Variants in DOCK2 observed in about 807,000 individuals in gnomAD.
DOCK2 encodes dedicator of cytokinesis 2, also known as dedicator of cytokinesis protein 2.
In DOCK2, 87 loss-of-function variants were observed where a neutral mutation model predicts 248.9. That is an observed-to-expected ratio of 0.35 (90% CI 0.29 to 0.42). The LOEUF (loss-of-function observed/expected upper bound fraction) is 0.42. Among genes scored for constraint, DOCK2 ranks in the 10% least tolerant of loss-of-function variants. The pLI, the probability that DOCK2 is intolerant of heterozygous loss-of-function variation, is 1.00. For missense variants in DOCK2, 1,747 were observed against 2,300.2 expected (o/e 0.76, Z 4.92); for synonymous variants, 805 against 821.6 (o/e 0.98, Z 0.35).
intron 10 of DOCK2, among the ~76,000 whole-genome samples, chr5:169,697,410 C>G (rs1196571961): frequency 6.6e-6 from 1 of 152,196 alleles, no homozygotes; most frequent in African/African-American, 2.4e-5. Context: ...GAATGTACCT[C>G]TTTCCCATTA....
At chr5:169,901,161 G>A (rs1352047198) in intron 27 of DOCK2, among the ~76,000 whole-genome samples, 1 of 152,168 alleles carries the variant, frequency 6.6e-6, no homozygotes, top group Non-Finnish European at 1.5e-5. Context: ...GAGGGATGGT[G>A]GGTGTGATTG....
chr5:170,056,872 A>G (rs1249307283), intron 43 of DOCK2, 104 bp downstream of exon 43: 2 of 1,061,638 alleles, frequency 1.9e-6, no homozygotes, highest in South Asian at 3.0e-5. Context: ...AGAAAGCCAG[A>G]GAAAATAAAG....
chr5:169,922,821 C>T (rs1775244358), intron 27 of DOCK2, among the ~76,000 whole-genome samples: 1 of 152,148 alleles, frequency 6.6e-6, no homozygotes, highest in Non-Finnish European at 1.5e-5. Flanking sequence ...GTATCTGATA[C>T]ATTCTGGGTG....
rs373519386 is a variant in DOCK2 at position 169,808,965 on chromosome 5, C to T, written c.2703+5759C>T. On this transcript the variant is annotated intron_variant, in intron 26 of 51. Coordinates refer to ENST00000520908, the MANE Select transcript of DOCK2 (RefSeq NM_004946.3). The stretch of plus-strand genomic sequence containing the variant: ...CTGGGTGGGGGGCTACCAAGGTACT[C>T]TCAGTCATGAATGGTTTAAGGGTTC... Among the ~76,000 whole-genome samples, 157 of 151,628 alleles carry T rather than the reference C, an allele frequency of 1.0e-3. 1 individual carries two copies. Among genetic ancestry groups the T allele is most frequent in the African/African-American group, 3.5e-3 (144 of 41,282 alleles).
chr5:170,058,018 C>T (rs373714715), intron 44 of DOCK2, among the ~76,000 whole-genome samples: 6 of 152,126 alleles, frequency 3.9e-5, no homozygotes, highest in Non-Finnish European at 5.9e-5. Flanking sequence ...CACAGCACCC[C>T]CTTGGGGGCA....
intron 46 of DOCK2, among the ~76,000 whole-genome samples, chr5:170,074,194 T>C (rs1346151431): frequency 6.6e-6 from 1 of 152,192 alleles, no homozygotes; most frequent in Non-Finnish European, 1.5e-5. Context: ...TCTGTTCCTA[T>C]ATATTAGTTA....
At chr5:169,805,408 TAAAAA>T (rs1050168428) in intron 26 of DOCK2, among the ~76,000 whole-genome samples, 1 of 151,490 alleles carries the variant, frequency 6.6e-6, no homozygotes, top group East Asian at 1.9e-4. Context: ...CTCTCTGTCT[TAAAAA>T]AAAATTTGCC....
At chr5:169,677,307 C>T (rs1024725520) in intron 6 of DOCK2, among the ~76,000 whole-genome samples, 2 of 152,216 alleles carry the variant, frequency 1.3e-5, no homozygotes, top group Admixed American at 1.3e-4. Context: ...ACCACTATAA[C>T]TCTAAGTGGA....
chr5:169,801,854 A>G (rs1170028486), intron 25 of DOCK2, among the ~76,000 whole-genome samples: 1 of 150,316 alleles, frequency 6.7e-6, no homozygotes, highest in Non-Finnish European at 1.5e-5. Context: ...TCAGTTTTTA[A>G]GTACCTAATG....
intron 29 of DOCK2, among the ~76,000 whole-genome samples, chr5:169,988,432 G>T (rs1480612731): frequency 6.6e-6 from 1 of 152,116 alleles, no homozygotes; most frequent in African/African-American, 2.4e-5. Context: ...ACTTCCTGTT[G>T]CATTGCTGAA....
intron 22 of DOCK2, among the ~76,000 whole-genome samples, chr5:169,729,234 T>C (rs988435390): frequency 3.3e-5 from 5 of 152,190 alleles, no homozygotes; most frequent in Non-Finnish European, 7.3e-5. Context: ...GCTAACGCAA[T>C]TGTCAGGGAT....
chr5:169,687,677 C>T (rs78061055), intron 8 of DOCK2, among the ~76,000 whole-genome samples: 4,345 of 152,256 alleles, frequency 0.029, 197 homozygotes, highest in African/African-American at 0.099. Flanking sequence ...CTTCTTCTAA[C>T]TTAAATAAGT....
chr5:169,968,068 G>A lies in DOCK2; in HGVS notation c.2800-15000G>A, dbSNP rs569526390. Among the ~76,000 whole-genome samples the A allele has an allele frequency of 7.2e-5, 11 of 152,336 alleles. 1 individual carries two copies. In the South Asian group the frequency reaches 1.9e-3, roughly 26 times the overall value. On this transcript the variant is annotated intron_variant, in intron 27 of 51. Coordinates refer to ENST00000520908, the MANE Select transcript of DOCK2 (RefSeq NM_004946.3). ...AGGAAGTTGGATGCTGGATGCATAA[G>A]TCTGAAGCTTCAAGGAGAGAAAACC...
At chr5:169,927,164 A>C (rs904125700) in intron 27 of DOCK2, among the ~76,000 whole-genome samples, 1 of 152,246 alleles carries the variant, frequency 6.6e-6, no homozygotes, top group Admixed American at 6.5e-5. Flanking sequence ...CAAGATGGGA[A>C]GATCTCGGCC....
chr5:170,021,749 T>A (rs1238249937), intron 33 of DOCK2, among the ~76,000 whole-genome samples: 4 of 152,174 alleles, frequency 2.6e-5, no homozygotes, highest in African/African-American at 7.2e-5. Context: ...GCGTGCTTCA[T>A]AGGAGCTCAG....
At chr5:169,858,422 T>C (rs1771009367) in intron 27 of DOCK2, among the ~76,000 whole-genome samples, 3 of 151,818 alleles carry the variant, frequency 2.0e-5, no homozygotes, top group African/African-American at 7.3e-5. Flanking sequence ...GTGGGGAGTA[T>C]TGAAGGCAGG....
chr5:169,926,292 T>A (rs1021931008), intron 27 of DOCK2, among the ~76,000 whole-genome samples: 12 of 152,222 alleles, frequency 7.9e-5, no homozygotes, highest in African/African-American at 2.4e-4. Context: ...ACTTGCTGTT[T>A]GGGAAATATT....
chr5:169,844,601 T>C (rs547965172), intron 27 of DOCK2, among the ~76,000 whole-genome samples: 1 of 152,386 alleles, frequency 6.6e-6, no homozygotes, highest in South Asian at 2.1e-4. Flanking sequence ...GAGGTTTTGT[T>C]TACCCACATC....
chr5:169,927,910 C>T (rs1173223242), intron 27 of DOCK2, among the ~76,000 whole-genome samples: 2 of 152,190 alleles, frequency 1.3e-5, no homozygotes, highest in Non-Finnish European at 2.9e-5. Flanking sequence ...GACACTGCTC[C>T]CGGCCCGAAA....
Sources: gnomAD v4.1 joint callset for allele counts (sites outside exome capture counted in the v4.1 genomes callset) on GRCh38, gnomAD v4.1.1 for gene constraint, MANE v1.5 for transcripts, NCBI Gene and HGNC (gene_info 2026-07-23, HGNC 2026-07-21) for gene names.